Variants in IFI30 observed in about 807,000 individuals in gnomAD.
The protein encoded by IFI30 is IFI30 lysosomal thiol reductase.
IFI30 carries 26 observed loss-of-function variants against 30.1 expected under a neutral mutation model. The ratio of observed to expected loss-of-function variants is 0.87; its 90% CI spans 0.63 to 1.20. The LOEUF (loss-of-function observed/expected upper bound fraction) is 1.20. Among genes scored for constraint, IFI30 ranks in the 50% most tolerant of loss-of-function variants. The probability of loss-of-function intolerance (pLI) is 0.00; values close to 1 mark genes in which losing one functional copy is unlikely to be tolerated. For synonymous variants in IFI30, 149 were observed against 134.5 expected (o/e 1.11, Z -0.75); for missense variants, 296 against 312.5 (o/e 0.95, Z 0.40).
rs1190449225 is a variant in IFI30, at chr19:18,175,095, A to G, written c.188A>G (p.Asn63Ser). 2 of 1,613,840 alleles carry G rather than the reference A, an allele frequency of 1.2e-6. No individual in the cohort carries two copies. The highest frequency in any genetic ancestry group is 2.7e-5 in the African/African-American group (2 of 75,032). ...AAGAAGTCCAATGCACCGCTTGTCA[A>G]TGTGACCCTCTACTATGAAGCACTG... is the stretch of plus-strand genomic sequence containing the variant. ...PLKKSNAPLV[N>S]VTLYYEALCG... is the part of the protein sequence containing the mutation. Residue 63 changes from asparagine (N) to serine (S), a missense_variant, in exon 2 of 7, where the codon AAT (asparagine) becomes AGT (serine). Asn to Ser is a conservative substitution (Grantham distance 46). Coordinates refer to ENST00000407280, the MANE Select transcript of IFI30 (RefSeq NM_006332.5).
intron 1 of IFI30, 100 bp from the exon 2 acceptor site, chr19:18,174,940 C>A: frequency 1.1e-6 from 1 of 901,760 alleles, no homozygotes; most frequent in Non-Finnish European, 1.7e-6. Flanking sequence ...AGATGAATTG[C>A]GTATCACAGC....
chr19:18,177,233 C>A lies in IFI30; in HGVS notation c.577C>A (p.Gln193Lys). The A allele has an allele frequency of 6.3e-7, 1 of 1,588,792 alleles. No individual in the cohort carries two copies. Among genetic ancestry groups the A allele is most frequent in the East Asian group, 2.3e-5 (1 of 43,658 alleles). Reference sequence around the variant, plus strand: ...CATGCAGCTCATGCACGCCAACGCCCAGCGGACAGATGCTCTCCAGCCACC... The same window carrying A: ...CATGCAGCTCATGCACGCCAACGCCAAGCGGACAGATGCTCTCCAGCCACC... ...RGMQLMHANA[Q>K]RTDALQPPHE... Residue 193 changes from glutamine to lysine, a missense_variant, in exon 5 of 7, where the codon CAG becomes AAG. Coordinates refer to ENST00000407280, the MANE Select transcript of IFI30 (RefSeq NM_006332.5).
chr19:18,177,826 C>G, intron 6 of IFI30, 23 bp from the exon 7 acceptor site: 2 of 1,606,744 alleles, frequency 1.2e-6, no homozygotes, highest in Non-Finnish European at 1.7e-6. Flanking sequence ...TCCAGGACCC[C>G]AACTCATGGC....
intron 1 of IFI30, 97 bp downstream of exon 1, chr19:18,174,070 A>C: frequency 8.8e-7 from 1 of 1,132,920 alleles, no homozygotes; most frequent in Admixed American, 3.0e-5. Flanking sequence ...GGGGAAGACC[A>C]GGGCCCCGAG....
intron 5 of IFI30, 115 bp from the exon 6 acceptor site, chr19:18,177,596 G>T: frequency 8.3e-7 from 1 of 1,209,378 alleles, no homozygotes; most frequent in Non-Finnish European, 1.2e-6. Context: ...TGATTTGCGA[G>T]GCGGGAGGCG....
chr19:18,175,787 CTGACCACTG>C, intron 4 of IFI30, 90 bp downstream of exon 4: 1 of 838,134 alleles, frequency 1.2e-6, no homozygotes, highest in South Asian at 1.4e-5. Context: ...AGTCCTAGCC[CTGACCACTG>C]CTGTCTGTGC....
rs148169393 is a variant in IFI30, at chr19:18,174,656, G to A, written c.133-384G>A. 1.6e-3 allele frequency: 287 copies of A among 182,488 alleles called. 1 individual carries two copies. The highest frequency in any genetic ancestry group is 1.8e-3 in the Non-Finnish European group (158 of 85,894). The allele number at this position is 182,488 out of a possible 1,614,324, so 11.3% of individuals were successfully genotyped here. On this transcript the variant is annotated intron_variant, in intron 1 of 6. Transcript: ENST00000407280. ...TGGAAGTCTGAGGCAGGCAGATCAC[G>A]AGGTCAGGAGTTCGAGACCATTCTG...
At position 18,175,637 on chromosome 19, in the gene IFI30, A is replaced by G; in HGVS notation, c.423A>G (p.Leu141=). 1 of 1,610,946 alleles carries G rather than the reference A, an allele frequency of 6.2e-7. No homozygotes were observed. Among genetic ancestry groups the G allele is most frequent in the Middle Eastern group, 1.7e-4 (1 of 6,058 alleles). Residue 141 remains leucine, a synonymous_variant, in exon 4 of 7, where the codon CTA becomes CTG. Coordinates refer to ENST00000407280, the MANE Select transcript of IFI30 (RefSeq NM_006332.5). ...TGTTGGATGAACTTGACATGGAGCT[A>G]GCCTTCCTGACCATTGTCTGCATGG... The part of the protein sequence containing the change: ...ACVLDELDME[L]AFLTIVCMEE...
chr19:18,177,521 AAAAG>A, intron 5 of IFI30, 186 bp from the exon 6 acceptor site: 1 of 777,838 alleles, frequency 1.3e-6, no homozygotes, highest in Non-Finnish European at 2.1e-6. Context: ...ATCAGGCAAA[AAAAG>A]TATGTATTAA....
At chr19:18,175,494 T>C (rs1157585833) in intron 3 of IFI30, 109 bp downstream of exon 3, 7 of 1,392,480 alleles carry the variant, frequency 5.0e-6, no homozygotes, top group Non-Finnish European at 7.0e-6. Context: ...TCCCATTTAA[T>C]CACATCTTTA....
rs1283646714 is a variant in IFI30 at position 18,177,907 on chromosome 19, A to G, written c.749A>G (p.Lys250Arg). The G allele has an allele frequency of 5.0e-6, 8 of 1,588,198 alleles. No individual in the cohort carries two copies. Among genetic ancestry groups the G allele is most frequent in the African/African-American group, 1.3e-5 (1 of 74,242 alleles). The stretch of plus-strand genomic sequence containing the variant: ...AGCTCCCTCAGGAGTGTTTGCTTCA[A>G]GTGATGGCCGGTGAGCTGCGGAGAG... Reference protein sequence around the residue: ...STSSLRSVCFK With the variant: ...STSSLRSVCFR The change falls in exon 7 of 7, where the codon AAG becomes AGG. Residue 250 changes from lysine to arginine, a missense_variant. Physicochemically the swap from Lys to Arg is conservative, Grantham distance 26. Coordinates refer to ENST00000407280, the MANE Select transcript of IFI30 (RefSeq NM_006332.5).
chr19:18,177,369 G>A (rs1184200719), intron 5 of IFI30, 77 bp downstream of exon 5: 31 of 1,468,722 alleles, frequency 2.1e-5, no homozygotes, highest in Non-Finnish European at 1.8e-6. Flanking sequence ...AGGGACCAGA[G>A]ATAAAGGAAC....
intron 3 of IFI30, 102 bp downstream of exon 3, chr19:18,175,487 C>G (rs1967258234): frequency 6.6e-6 from 9 of 1,373,430 alleles, no homozygotes; most frequent in Non-Finnish European, 9.1e-6. Flanking sequence ...CGTGTGCTCC[C>G]ATTTAATCAC....
At position 18,177,667 on chromosome 19, in the gene IFI30, G is replaced by C. The variant is rs767816568; in HGVS notation, c.637-44G>C. On this transcript the variant is annotated intron_variant, in intron 5 of 6. Transcript: ENST00000407280. ...GGCTGGAACCAGGGTGCATGGGTTGGGGTAGCTGCTGGGAATATGCGACCC... is the reference window on the plus strand; with the variant it reads ...GGCTGGAACCAGGGTGCATGGGTTGCGGTAGCTGCTGGGAATATGCGACCC... 1.9e-6 allele frequency: 3 copies of C among 1,607,996 alleles called. No individual in the cohort carries two copies. In the Admixed American group the frequency reaches 5.1e-5, roughly 27 times the overall value.
chr19:18,175,882 G>A (rs1045983976), intron 4 of IFI30, among the ~76,000 whole-genome samples, 185 bp downstream of exon 4: 2 of 152,060 alleles, frequency 1.3e-5, no homozygotes, highest in East Asian at 1.9e-4. Flanking sequence ...TCGCTCTGTC[G>A]CCCAGGCTGG....
chr19:18,174,859 A>T, intron 1 of IFI30, 181 bp from the exon 2 acceptor site: 5 of 548,240 alleles, frequency 9.1e-6, no homozygotes, highest in Non-Finnish European at 1.3e-5. Flanking sequence ...CGACAGTGAG[A>T]CTCCATCTCA....
intron 4 of IFI30, 37 bp from the exon 5 acceptor site, chr19:18,177,103 G>A (rs1245277559): frequency 6.6e-7 from 1 of 1,504,466 alleles, no homozygotes; most frequent in Non-Finnish European, 8.9e-7. Context: ...ATAACGGGGA[G>A]GAAGCTGAGG....
chr19:18,175,393 GC>G lies in IFI30; in HGVS notation c.390+12del. 1 of 1,579,614 alleles carries G rather than the reference GC, an allele frequency of 6.3e-7. No individual in the cohort carries two copies. Among genetic ancestry groups the G allele is most frequent in the Non-Finnish European group, 8.6e-7 (1 of 1,163,496 alleles). ...AAATTCAACAAGGTGGAGGTGAGCG[GC>G]CCCAGGGCCCCACACTGGGGTGGGG... On this transcript the variant is annotated intron_variant, in intron 3 of 6. Transcript: ENST00000407280.
At chr19:18,177,567 A>C in intron 5 of IFI30, 144 bp from the exon 6 acceptor site, 5 of 979,912 alleles carry the variant, frequency 5.1e-6, no homozygotes, top group South Asian at 1.4e-5. Context: ...AGCCACCCCC[A>C]TTGGGAAAGA....
Sources: gnomAD v4.1 joint callset for allele counts (sites outside exome capture counted in the v4.1 genomes callset) on GRCh38, gnomAD v4.1.1 for gene constraint, MANE v1.5 for transcripts, NCBI Gene and HGNC (gene_info 2026-07-23, HGNC 2026-07-21) for gene names.